The following ROBO2 variants were observed in gnomAD, a reference collection of about 807,000 sequenced individuals.
The protein encoded by ROBO2 is roundabout guidance receptor 2.
A neutral mutation model predicts 160.8 loss-of-function variants in ROBO2; 53 were observed. That is an observed-to-expected ratio of 0.33 (90% confidence interval 0.26 to 0.41). ROBO2 has a LOEUF of 0.41. Ranked by LOEUF, ROBO2 falls within the 10% of genes least tolerant of loss-of-function variation. The pLI is 1.00. For synonymous variants in ROBO2, 664 were observed against 611.7 expected (o/e 1.09, Z -1.26); for missense variants, 1,577 against 1,722.4 (o/e 0.92, Z 1.49).
At chr3:77,567,254 C>T (rs113617160) in intron 12 of ROBO2, among the ~76,000 whole-genome samples, 3,401 of 152,018 alleles carry the variant, frequency 0.022, 127 homozygotes, top group African/African-American at 0.077. Flanking sequence ...TAAGAAAAAA[C>T]AGGATTACGA....
intron 2 of ROBO2, among the ~76,000 whole-genome samples, chr3:77,198,365 A>C (rs2150992774): frequency 6.6e-6 from 1 of 152,292 alleles, no homozygotes; most frequent in Non-Finnish European, 1.5e-5. Flanking sequence ...AGGGGAAGGA[A>C]ATTTTAGACA....
intron 2 of ROBO2, among the ~76,000 whole-genome samples, chr3:76,619,543 G>A (rs146952067): frequency 1.4e-3 from 208 of 152,190 alleles, no homozygotes; most frequent in Non-Finnish European, 2.1e-3. Flanking sequence ...TGCCATATTT[G>A]GAGTATTCTT....
At chr3:76,809,114 G>A (rs1285600202) in intron 2 of ROBO2, among the ~76,000 whole-genome samples, 1 of 152,084 alleles carries the variant, frequency 6.6e-6, no homozygotes, top group Non-Finnish European at 1.5e-5. Context: ...ATACTTAGTG[G>A]TTTAAAACAA....
intron 2 of ROBO2, among the ~76,000 whole-genome samples, chr3:75,972,775 T>C (rs2065031972): frequency 6.6e-6 from 1 of 151,664 alleles, no homozygotes. Flanking sequence ...ACATGTCCTC[T>C]GGGTAACTCC....
chr3:76,099,633 G>A (rs1302535777), intron 2 of ROBO2, among the ~76,000 whole-genome samples: 1 of 152,068 alleles, frequency 6.6e-6, no homozygotes, highest in Non-Finnish European at 1.5e-5. Flanking sequence ...CTACATTATA[G>A]AATCCTGTAA....
intron 6 of ROBO2, among the ~76,000 whole-genome samples, chr3:77,526,373 G>A (rs1036491341): frequency 7.3e-5 from 11 of 151,590 alleles, no homozygotes; most frequent in Admixed American, 4.6e-4. Context: ...ATGTTCCAGA[G>A]TCACATTACA....
intron 2 of ROBO2, among the ~76,000 whole-genome samples, chr3:77,186,059 G>A (rs2081257683): frequency 6.6e-6 from 1 of 151,972 alleles, no homozygotes; most frequent in African/African-American, 2.4e-5. Context: ...AAGGATAAAA[G>A]ACTACAAATT....
At position 77,438,333 on chromosome 3, in the gene ROBO2, T is replaced by C. The variant is rs547751733; in HGVS notation, c.389-39081T>C. Among the ~76,000 whole-genome samples, 6 of 152,036 alleles carry C rather than the reference T, an allele frequency of 3.9e-5. No individual in the cohort carries two copies. In the South Asian group the frequency reaches 1.0e-3, roughly 26 times the overall value. On this transcript the variant is annotated intron_variant, in intron 2 of 25. Coordinates refer to ENST00000461745, the Ensembl canonical transcript of ROBO2. Reference sequence around the variant, plus strand: ...CAAAGAGGACTAGCAATTGTCCAAATGACTACCCACTTAGACTGATTTCTG... The same window carrying C: ...CAAAGAGGACTAGCAATTGTCCAAACGACTACCCACTTAGACTGATTTCTG...
chr3:77,023,820 C>T (rs955878052), intron 2 of ROBO2, among the ~76,000 whole-genome samples: 3 of 152,086 alleles, frequency 2.0e-5, no homozygotes, highest in Non-Finnish European at 4.4e-5. Context: ...TGTTAGCCTA[C>T]GATATCTACA....
chr3:76,946,644 G>A (rs1273521319), intron 2 of ROBO2, among the ~76,000 whole-genome samples: 2 of 152,018 alleles, frequency 1.3e-5, no homozygotes, highest in African/African-American at 4.8e-5. Flanking sequence ...CACCATGTTG[G>A]CCAGGCTGGT....
chr3:76,007,294 T>G (rs1459186351), intron 2 of ROBO2, among the ~76,000 whole-genome samples: 1 of 152,176 alleles, frequency 6.6e-6, no homozygotes, highest in Non-Finnish European at 1.5e-5. Context: ...CATTTTTCTT[T>G]TAGCACTTTT....
At chr3:76,289,419 T>C (rs1310718657) in intron 2 of ROBO2, among the ~76,000 whole-genome samples, 1 of 152,176 alleles carries the variant, frequency 6.6e-6, no homozygotes, top group Non-Finnish European at 1.5e-5. Context: ...TGTGCAAATA[T>C]TTTCTCCCAT....
chr3:76,210,788 T>C (rs1211989833), intron 2 of ROBO2, among the ~76,000 whole-genome samples: 1 of 152,152 alleles, frequency 6.6e-6, no homozygotes, highest in Non-Finnish European at 1.5e-5. Flanking sequence ...GTAAACCTGT[T>C]CTTTCCCCTC....
intron 2 of ROBO2, among the ~76,000 whole-genome samples, chr3:77,216,207 G>A (rs923015231): frequency 6.6e-6 from 1 of 152,222 alleles, no homozygotes; most frequent in Admixed American, 6.5e-5. Flanking sequence ...GCCTCCTTGA[G>A]CTACAGTGGG....
chr3:77,047,563 C>A (rs1197941478), intron 1 of ROBO2, among the ~76,000 whole-genome samples: 1 of 151,626 alleles, frequency 6.6e-6, no homozygotes, highest in Non-Finnish European at 1.5e-5. Context: ...GTGGCAGGTG[C>A]CTGTAATCCC....
chr3:76,520,612 CA>C (rs1253375430), intron 2 of ROBO2, among the ~76,000 whole-genome samples: 1 of 152,098 alleles, frequency 6.6e-6, no homozygotes, highest in Non-Finnish European at 1.5e-5. Flanking sequence ...AACTCAGGTC[CA>C]AATCAATAAT....
intron 1 of ROBO2, among the ~76,000 whole-genome samples, chr3:77,066,634 T>G (rs1292227124): frequency 6.6e-6 from 1 of 152,164 alleles, no homozygotes; most frequent in African/African-American, 2.4e-5. Context: ...GAGGTATATA[T>G]GTTAATGTTA....
At chr3:76,600,643 C>A (rs9822342) in intron 2 of ROBO2, among the ~76,000 whole-genome samples, 143,714 of 152,096 alleles carry the variant, frequency 0.94, 68,413 homozygotes, top group Non-Finnish European at 1. Context: ...GAAAGGCCCA[C>A]CCCCAAAATT....
At position 75,949,645 on chromosome 3, in the gene ROBO2, C is replaced by T. The variant is rs1447597292; in HGVS notation, c.109+12043C>T. 2.6e-5 allele frequency among the ~76,000 whole-genome samples: 4 copies of T among 152,102 alleles called. No homozygotes were observed. The South Asian group carries it at 8.3e-4, about 32-fold the overall frequency. On this transcript the variant is annotated intron_variant, in intron 2 of 26. Transcript: ENST00000487694. ...GTATTGGTGCCCCTGGAAATAGCTG[C>T]CTTCTCACTAAAGTAGATTTTGTCA... is the stretch of plus-strand genomic sequence containing the variant.
Sources: gnomAD v4.1 joint callset for allele counts (sites outside exome capture counted in the v4.1 genomes callset) on GRCh38, gnomAD v4.1.1 for gene constraint, MANE v1.5 for transcripts, NCBI Gene and HGNC (gene_info 2026-07-23, HGNC 2026-07-21) for gene names.